HMCN1: variants seen among roughly 807,000 people sequenced by gnomAD.
HMCN1 encodes hemicentin 1, also known as hemicentin-1.
A neutral mutation model predicts 625.9 loss-of-function variants in HMCN1; 321 were observed. The observed-to-expected ratio is 0.51, with a 90% CI of 0.47 to 0.56. The LOEUF (loss-of-function observed/expected upper bound fraction) is 0.56. Among genes scored for constraint, HMCN1 ranks in the 20% least tolerant of loss-of-function variants. The pLI is 0.00. For synonymous variants in HMCN1, 2,425 were observed against 2,417.6 expected, an observed-to-expected ratio of 1.00 and a Z score of -0.09; for missense variants, 6,588 against 6,887.3, an observed-to-expected ratio of 0.96 and a Z score of 1.54.
At chr1:186,018,094 G>A (rs1654480739) in intron 33 of HMCN1, 89 bp from the exon 34 acceptor site, 1 of 1,205,510 alleles carries the variant, frequency 8.3e-7, no homozygotes, top group Admixed American at 1.7e-5. Flanking sequence ...TAGGAAATTG[G>A]ACAAATATAC....
At chr1:185,862,874 A>G (rs1346864376) in intron 2 of HMCN1, among the ~76,000 whole-genome samples, 1 of 152,172 alleles carries the variant, frequency 6.6e-6, no homozygotes, top group Non-Finnish European at 1.5e-5. Context: ...TCAGTTTTAG[A>G]GTCAATTTTT....
intron 33 of HMCN1, 143 bp from the exon 34 acceptor site, chr1:186,018,040 T>A (rs1654478045): frequency 1.3e-6 from 1 of 774,668 alleles, no homozygotes; most frequent in Non-Finnish European, 2.1e-6. Context: ...GTTTCCTTTT[T>A]GCTTCTCTTT....
chr1:186,037,156 GT>G (rs144782511), intron 36 of HMCN1, among the ~76,000 whole-genome samples: 64 of 147,232 alleles, frequency 4.3e-4, no homozygotes, highest in East Asian at 1.2e-3. Flanking sequence ...CTTAAAATGT[GT>G]TTTTTTTTTC....
In HMCN1 at chr1:186,055,437, A is replaced by G. The variant is rs774565169; in HGVS notation, c.6907A>G (p.Ile2303Val). The G allele has an allele frequency of 6.2e-7, 1 of 1,612,648 alleles. No homozygotes were observed. Among genetic ancestry groups the G allele is most frequent in the South Asian group, 1.1e-5 (1 of 91,062 alleles). ...CAGTGGCAGCCACCCTACTGAAATT[A>G]TTGTGACCCGAGGGAAGAGTATCTC... Reference protein sequence around the residue: ...TNSGSHPTEIIVTRGKSISLE... With the variant: ...TNSGSHPTEIVVTRGKSISLE... Residue 2303 changes from isoleucine to valine, a missense_variant, in exon 45 of 107, where the codon ATT becomes GTT. Ile to Val is a conservative substitution (Grantham distance 29). Around this residue, in one of 3 missense-constraint regions of HMCN1, gnomAD observed 4,628 missense variants for 4,853.1 expected, o/e 0.95. Transcript: ENST00000271588.
At chr1:186,129,791 A>G (rs1358863111) in intron 83 of HMCN1, among the ~76,000 whole-genome samples, 175 bp from the exon 84 acceptor site, 2 of 152,168 alleles carry the variant, frequency 1.3e-5, no homozygotes, top group African/African-American at 4.8e-5. Context: ...ACAAGTGTCT[A>G]TAGACATAGT....
chr1:186,047,028 A>G (rs1475039909), intron 41 of HMCN1, among the ~76,000 whole-genome samples: 5 of 152,056 alleles, frequency 3.3e-5, no homozygotes, highest in Non-Finnish European at 5.9e-5. Context: ...AGGAATGTTT[A>G]TTACTGATAA....
At chr1:186,034,179 G>A (rs778821509) in intron 36 of HMCN1, among the ~76,000 whole-genome samples, 3 of 152,262 alleles carry the variant, frequency 2.0e-5, no homozygotes, top group South Asian at 2.1e-4. Context: ...CACATGCCCT[G>A]CCCGTTGCTG....
intron 15 of HMCN1, among the ~76,000 whole-genome samples, chr1:185,972,223 A>T (rs1177140759): frequency 6.6e-6 from 1 of 152,178 alleles, no homozygotes; most frequent in Non-Finnish European, 1.5e-5. Flanking sequence ...TCCCAACAAA[A>T]AGGTAATTGC....
At chr1:185,746,565 A>G (rs1282597352) in intron 1 of HMCN1, among the ~76,000 whole-genome samples, 5 of 148,754 alleles carry the variant, frequency 3.4e-5, no homozygotes, top group African/African-American at 5.0e-5. Flanking sequence ...TTGTCGTCAC[A>G]TGGTGTTATC....
intron 36 of HMCN1, among the ~76,000 whole-genome samples, chr1:186,027,672 A>G (rs1655147282): frequency 6.6e-6 from 1 of 152,158 alleles, no homozygotes; most frequent in African/African-American, 2.4e-5. Flanking sequence ...TGTAAATGAC[A>G]GCATAAAGGC....
intron 99 of HMCN1, 117 bp downstream of exon 99, chr1:186,166,420 C>G: frequency 1.5e-6 from 2 of 1,309,794 alleles, no homozygotes; most frequent in Admixed American, 1.9e-5. Flanking sequence ...ACCTTGGCAA[C>G]AAACAAAGAA....
intron 1 of HMCN1, among the ~76,000 whole-genome samples, chr1:185,748,450 GA>G (rs1270001904): frequency 3.9e-5 from 6 of 152,192 alleles, no homozygotes; most frequent in Non-Finnish European, 5.9e-5. Flanking sequence ...AACTTTCCTG[GA>G]ATATTAGAAA....
At chr1:186,171,293 G>C (rs1033902617) in intron 100 of HMCN1, 44 bp from the exon 101 acceptor site, 2 of 1,312,496 alleles carry the variant, frequency 1.5e-6, no homozygotes, top group South Asian at 2.4e-5. Flanking sequence ...GATAAATTCA[G>C]GTTTCCTAAT....
At chr1:186,095,216 A>T in intron 67 of HMCN1, 27 bp from the exon 68 acceptor site, 1 of 1,612,526 alleles carries the variant, frequency 6.2e-7, no homozygotes, top group African/African-American at 1.3e-5. Flanking sequence ...AGACATCCAA[A>T]TTTTGCCCAT....
chr1:185,819,173 G>T (rs1660032083), intron 1 of HMCN1, among the ~76,000 whole-genome samples: 1 of 150,770 alleles, frequency 6.6e-6, no homozygotes, highest in South Asian at 2.1e-4. Context: ...GAAGGCAGAG[G>T]TTGCAGTGAG....
intron 4 of HMCN1, among the ~76,000 whole-genome samples, chr1:185,905,705 G>A (rs1240852789): frequency 6.6e-6 from 1 of 151,824 alleles, no homozygotes; most frequent in Admixed American, 6.6e-5. Flanking sequence ...TTAGAGTTGA[G>A]TAGATATATG....
At chr1:185,917,496 A>G (rs1399801663) in intron 6 of HMCN1, among the ~76,000 whole-genome samples, 1 of 152,180 alleles carries the variant, frequency 6.6e-6, no homozygotes, top group African/African-American at 2.4e-5. Context: ...GGGTTTTAAG[A>G]GATAACGTGT....
At chr1:185,790,521 C>A (rs1295558312) in intron 1 of HMCN1, among the ~76,000 whole-genome samples, 1 of 152,184 alleles carries the variant, frequency 6.6e-6, no homozygotes, top group Non-Finnish European at 1.5e-5. Context: ...ATATGGGCAC[C>A]TTGTTTAACT....
In HMCN1 at chr1:185,995,048, G is replaced by A; in HGVS notation, c.3739G>A (p.Ala1247Thr). ...ATATACATGTGTTGCTACTAACATA[G>A]CAGGCACTGATGAAACAGAGATAAC... Reference protein sequence around the residue: ...GIYTCVATNIAGTDETEITLH... With the variant: ...GIYTCVATNITGTDETEITLH... The change falls in exon 24 of 107, where the codon GCA becomes ACA. Residue 1247 changes from alanine (A) to threonine (T), a missense_variant. By Grantham distance (58) the Ala-to-Thr change is moderately conservative (BLOSUM62 0). This residue lies in a region of HMCN1 where 4,628 missense variants were observed against 4,853.1 expected (regional missense o/e 0.95). Coordinates refer to ENST00000271588, the MANE Select transcript of HMCN1 (RefSeq NM_031935.3). 1 of 1,613,766 alleles carries A rather than the reference G, an allele frequency of 6.2e-7. No individual in the cohort carries two copies. The highest frequency in any genetic ancestry group is 1.1e-5 in the South Asian group (1 of 91,080).
Sources: gnomAD v4.1 joint callset for allele counts (sites outside exome capture counted in the v4.1 genomes callset) on GRCh38, gnomAD v4.1.1 for gene constraint, gnomAD v4.1.1 regional missense constraint, MANE v1.5 for transcripts, NCBI Gene and HGNC (gene_info 2026-07-23, HGNC 2026-07-21) for gene names.